The following PRR5L variants were observed in gnomAD, a reference collection of about 807,000 sequenced individuals.
PRR5L encodes proline-rich protein 5-like.
PRR5L carries 21 observed loss-of-function variants against 36.4 expected under a neutral mutation model. The ratio of observed to expected loss-of-function variants is 0.58; its 90% CI spans 0.41 to 0.83. The LOEUF (loss-of-function observed/expected upper bound fraction) is 0.83, where lower values mean the gene tolerates loss of function less well. Among genes scored for constraint, PRR5L ranks in the 40% least tolerant of loss-of-function variants. PRR5L has a pLI of 0.00. For missense variants in PRR5L, 381 were observed against 473.3 expected (o/e 0.80, Z 1.81); for synonymous variants, 188 against 197.0 (o/e 0.95, Z 0.38).
intron 6 of PRR5L, among the ~76,000 whole-genome samples, chr11:36,438,145 C>T (rs1858643560): frequency 7.4e-6 from 1 of 135,142 alleles, no homozygotes. Context: ...GATACCCTTG[C>T]CCCCTTGTCT....
chr11:36,334,787 C>CAT (rs1420798921), intron 1 of PRR5L, among the ~76,000 whole-genome samples: 6 of 152,176 alleles, frequency 3.9e-5, no homozygotes, highest in African/African-American at 1.4e-4. Context: ...GAATCTAACT[C>CAT]AGTACTTAGC....
At chr11:36,436,665 G>A (rs924722025) in intron 5 of PRR5L, among the ~76,000 whole-genome samples, 9 of 152,194 alleles carry the variant, frequency 5.9e-5, no homozygotes, top group African/African-American at 2.2e-4. Context: ...ATCTTAATGA[G>A]TAAGAAAACA....
chr11:36,323,901 A>G lies in PRR5L; in HGVS notation c.-126+27463A>G, dbSNP rs1266675251. On this transcript the variant is annotated intron_variant, in intron 1 of 8. Coordinates refer to ENST00000530639, the MANE Select transcript of PRR5L (RefSeq NM_001160167.2). ...ACTCTGTCTTTTAAAAAATTGAGCT[A>G]AAATTTAAAAGACTAATAATACCGT... 2.0e-5 allele frequency among the ~76,000 whole-genome samples: 3 copies of G among 152,328 alleles called. No homozygotes were observed. The East Asian group carries it at 5.8e-4, about 29-fold the overall frequency.
At chr11:36,382,578 GA>G (rs1274361007) in intron 1 of PRR5L, among the ~76,000 whole-genome samples, 4 of 152,316 alleles carry the variant, frequency 2.6e-5, no homozygotes, top group African/African-American at 9.6e-5. Context: ...TTGATTCCCA[GA>G]CTACAATGCG....
chr11:36,405,776 G>C (rs781000954), intron 3 of PRR5L, among the ~76,000 whole-genome samples: 15 of 152,170 alleles, frequency 9.9e-5, no homozygotes, highest in Admixed American at 5.2e-4. Context: ...CAAGGTGCCG[G>C]TCATTTACAT....
chr11:36,460,221 T>C (rs1859150826), intron 8 of PRR5L, among the ~76,000 whole-genome samples: 1 of 152,218 alleles, frequency 6.6e-6, no homozygotes, highest in African/African-American at 2.4e-5. Flanking sequence ...TTAAATATTA[T>C]TTGAAAATGA....
intron 3 of PRR5L, among the ~76,000 whole-genome samples, chr11:36,417,307 C>T (rs1858165645): frequency 6.6e-6 from 1 of 152,202 alleles, no homozygotes; most frequent in Admixed American, 6.5e-5. Flanking sequence ...GGAGGTGTTT[C>T]TCCCTCCTGT....
chr11:36,437,917 C>T (rs1425371642), intron 6 of PRR5L, among the ~76,000 whole-genome samples: 1 of 152,092 alleles, frequency 6.6e-6, no homozygotes, highest in Admixed American at 6.6e-5. Flanking sequence ...GAGTAACATT[C>T]CGTGTTCCTC....
chr11:36,437,540 C>A (rs1488867125), intron 6 of PRR5L, 64 bp downstream of exon 6: 1 of 975,262 alleles, frequency 1.0e-6, no homozygotes, highest in South Asian at 1.6e-5. Context: ...CTGGCCCTTG[C>A]GGCCTGAGGG....
intron 1 of PRR5L, among the ~76,000 whole-genome samples, chr11:36,311,327 C>T (rs974549920): frequency 6.6e-6 from 1 of 152,184 alleles, no homozygotes; most frequent in African/African-American, 2.4e-5. Context: ...TTCACAACTT[C>T]AGGCAAGCAT....
chr11:36,437,252 A>C, intron 5 of PRR5L, 133 bp from the exon 6 acceptor site: 1 of 764,232 alleles, frequency 1.3e-6, no homozygotes, highest in Non-Finnish European at 2.4e-6. Flanking sequence ...CTGGGCTTTA[A>C]TAGCTCCTGG....
At chr11:36,307,740 T>G (rs10836533) in intron 1 of PRR5L, among the ~76,000 whole-genome samples, 61,589 of 152,130 alleles carry the variant, frequency 0.4, 12,654 homozygotes, top group East Asian at 0.64. Flanking sequence ...GAACTTCTTC[T>G]TCCTTTTCTT....
At chr11:36,322,679 T>A (rs1207884902) in intron 1 of PRR5L, among the ~76,000 whole-genome samples, 1 of 152,212 alleles carries the variant, frequency 6.6e-6, no homozygotes, top group African/African-American at 2.4e-5. Context: ...GCTAGGCACA[T>A]AACCTGAGGC....
chr11:36,351,296 TTATA>T (rs373055432), intron 1 of PRR5L, among the ~76,000 whole-genome samples: 6 of 79,586 alleles, frequency 7.5e-5, no homozygotes, highest in Admixed American at 4.9e-4. Context: ...ATTTATATAT[TTATA>T]TATATATTTA....
At chr11:36,418,751 G>A (rs907978447) in intron 3 of PRR5L, among the ~76,000 whole-genome samples, 11 of 152,008 alleles carry the variant, frequency 7.2e-5, no homozygotes, top group African/African-American at 2.4e-4. Flanking sequence ...AGCCAAGATT[G>A]CGCCACTGCA....
chr11:36,417,115 CA>C (rs1273926911), intron 3 of PRR5L, among the ~76,000 whole-genome samples: 2 of 152,176 alleles, frequency 1.3e-5, no homozygotes, highest in East Asian at 3.9e-4. Context: ...ACCAATTCCA[CA>C]GCGTATTATT....
chr11:36,390,775 C>T (rs562185246), intron 1 of PRR5L, among the ~76,000 whole-genome samples: 3 of 152,276 alleles, frequency 2.0e-5, no homozygotes, highest in Admixed American at 2.0e-4. Flanking sequence ...AAAGTCAAGA[C>T]CCTCTAAGTT....
chr11:36,323,056 T>C (rs556835920), intron 1 of PRR5L, among the ~76,000 whole-genome samples: 1 of 152,276 alleles, frequency 6.6e-6, no homozygotes, highest in South Asian at 2.1e-4. Flanking sequence ...CCAGCCCCCA[T>C]AACTGACAGA....
At chr11:36,355,637 C>T (rs1409627746) in intron 1 of PRR5L, among the ~76,000 whole-genome samples, 1 of 151,292 alleles carries the variant, frequency 6.6e-6, no homozygotes, top group Non-Finnish European at 1.5e-5. Context: ...GCAACCTCTG[C>T]CTCCTGGGTT....
Sources: gnomAD v4.1 joint callset for allele counts (sites outside exome capture counted in the v4.1 genomes callset) on GRCh38, gnomAD v4.1.1 for gene constraint, MANE v1.5 for transcripts, NCBI Gene and HGNC (gene_info 2026-07-23, HGNC 2026-07-21) for gene names.